ACYP2: variants seen among roughly 807,000 people sequenced by gnomAD.
ACYP2 encodes acylphosphatase-2.
In ACYP2, 12 loss-of-function variants were observed where a neutral mutation model predicts 11.2. That is an observed-to-expected ratio of 1.08 (90% CI 0.69 to 1.74). The LOEUF (loss-of-function observed/expected upper bound fraction) is 1.74, where lower values mean the gene tolerates loss of function less well. Among genes scored for constraint, ACYP2 ranks in the 40% most tolerant of loss-of-function variants. ACYP2 has a pLI of 0.00. For synonymous variants in ACYP2, 43 were observed against 32.2 expected, an observed-to-expected ratio of 1.33 and a Z score of -1.13; for missense variants, 134 against 101.9, an observed-to-expected ratio of 1.31 and a Z score of -1.35.
intron 2 of ACYP2, among the ~76,000 whole-genome samples, chr2:54,007,026 G>A (rs1256701753): frequency 6.6e-6 from 1 of 150,606 alleles, no homozygotes; most frequent in Non-Finnish European, 1.5e-5. Flanking sequence ...TCGGTAGGCT[G>A]AGGCAGGAGA....
intron 6 of ACYP2, among the ~76,000 whole-genome samples, chr2:54,168,692 C>A (rs1683109174): frequency 6.6e-6 from 1 of 151,758 alleles, no homozygotes; most frequent in South Asian, 2.1e-4. Context: ...TTAAAGAAAC[C>A]CAATGAATTT....
At chr2:54,077,358 G>A (rs1276661220) in intron 4 of ACYP2, among the ~76,000 whole-genome samples, 1 of 151,862 alleles carries the variant, frequency 6.6e-6, no homozygotes, top group Non-Finnish European at 1.5e-5. Context: ...GGGCAAACTT[G>A]TTGTTGTTGT....
chr2:54,190,508 G>A (rs843672), intron 6 of ACYP2, among the ~76,000 whole-genome samples: 81,724 of 151,508 alleles, frequency 0.54, 22,441 homozygotes, highest in East Asian at 0.67. Flanking sequence ...ATCTGTCTTC[G>A]TATCTCACTT....
chr2:54,241,364 C>A (rs527265308), intron 6 of ACYP2, among the ~76,000 whole-genome samples: 2 of 152,000 alleles, frequency 1.3e-5, no homozygotes, highest in Non-Finnish European at 2.9e-5. Context: ...GATATTGAAC[C>A]GAAAAATGAA....
intron 6 of ACYP2, among the ~76,000 whole-genome samples, chr2:54,217,449 C>T (rs1685605202): frequency 6.6e-6 from 1 of 152,174 alleles, no homozygotes; most frequent in African/African-American, 2.4e-5. Context: ...TCACTGTGGC[C>T]TCTACCTCCT....
intron 4 of ACYP2, among the ~76,000 whole-genome samples, chr2:54,076,854 G>A (rs1268989288): frequency 6.6e-6 from 1 of 152,162 alleles, no homozygotes; most frequent in East Asian, 1.9e-4. Context: ...TGTCTATACT[G>A]AGTCCTGAAA....
At chr2:54,014,588 T>C (rs1673574918) in intron 2 of ACYP2, among the ~76,000 whole-genome samples, 1 of 152,176 alleles carries the variant, frequency 6.6e-6, no homozygotes, top group Admixed American at 6.5e-5. Context: ...CCCAAAGTGC[T>C]GGGATTACAG....
intron 6 of ACYP2, among the ~76,000 whole-genome samples, chr2:54,215,113 T>C (rs1049339350): frequency 6.6e-6 from 1 of 152,208 alleles, no homozygotes; most frequent in Non-Finnish European, 1.5e-5. Context: ...ATCCTGAAAC[T>C]TCGAAGTTGT....
At chr2:54,303,430 T>C (rs1689803195) in intron 6 of ACYP2, among the ~76,000 whole-genome samples, 1 of 152,194 alleles carries the variant, frequency 6.6e-6, no homozygotes, top group South Asian at 2.1e-4. Flanking sequence ...GTCAGTTTTC[T>C]AGGAGGTTTC....
At chr2:54,250,273 TCGA>T (rs1188256450) in intron 6 of ACYP2, among the ~76,000 whole-genome samples, 1 of 152,054 alleles carries the variant, frequency 6.6e-6, no homozygotes, top group African/African-American at 2.4e-5. Context: ...GGTCAGGAGT[TCGA>T]GACCAGCGTG....
At chr2:54,108,880 C>T (rs1679311184) in intron 4 of ACYP2, among the ~76,000 whole-genome samples, 1 of 152,184 alleles carries the variant, frequency 6.6e-6, no homozygotes. Flanking sequence ...TTTTCCTTTA[C>T]TTTTCCTTAC....
At chr2:54,053,872 C>T (rs1035987317) in intron 3 of ACYP2, among the ~76,000 whole-genome samples, 2 of 152,092 alleles carry the variant, frequency 1.3e-5, no homozygotes, top group African/African-American at 4.8e-5. Context: ...TTGATTAGAC[C>T]CTAACTAATT....
At chr2:54,030,350 T>C (rs1275110617) in intron 2 of ACYP2, among the ~76,000 whole-genome samples, 1 of 152,202 alleles carries the variant, frequency 6.6e-6, no homozygotes, top group Non-Finnish European at 1.5e-5. Flanking sequence ...ACTGTCTCTA[T>C]TATTTTGGTT....
chr2:54,091,013 T>C (rs1678195600), intron 4 of ACYP2, among the ~76,000 whole-genome samples: 1 of 152,224 alleles, frequency 6.6e-6, no homozygotes, highest in African/African-American at 2.4e-5. Flanking sequence ...TAATTGTTGA[T>C]TGATTTAAAA....
At position 54,201,682 on chromosome 2, in the gene ACYP2, C is replaced by CTTTCTTTCTTTCTTTCTTTCTG. The variant is rs60217019; in HGVS notation, c.404+62935_404+62936insTTCTTTCTTTCTTTCTTTCTGT. On this transcript the variant is annotated intron_variant, in intron 6 of 6. Transcript: ENST00000607452. ...TCTTTCTTTCTTTCTTTCTTTCTTT[C>CTTTCTTTCTTTCTTTCTTTCTG]TCTCTCTCTCTCTCTCTTTTTTCTT... Among the ~76,000 whole-genome samples, 49 of 110,826 alleles carry CTTTCTTTCTTTCTTTCTTTCTG rather than the reference C, an allele frequency of 4.4e-4. 1 individual carries two copies. The highest frequency in any genetic ancestry group is 6.7e-4 in the South Asian group (2 of 2,970). 72.7% of individuals were successfully genotyped at this position (110,826 alleles called of 152,430 possible).
At chr2:53,985,324 C>G (rs980927992) in intron 2 of ACYP2, among the ~76,000 whole-genome samples, 3 of 152,098 alleles carry the variant, frequency 2.0e-5, no homozygotes, top group Admixed American at 6.6e-5. Flanking sequence ...GCCTCAGCCT[C>G]CCAAAGTGCT....
At chr2:54,197,529 A>G (rs1684542967) in intron 6 of ACYP2, among the ~76,000 whole-genome samples, 1 of 152,200 alleles carries the variant, frequency 6.6e-6, no homozygotes, top group Admixed American at 6.5e-5. Context: ...GCATGCTCTG[A>G]GAAGACAGAA....
chr2:54,088,642 G>A lies in ACYP2; in HGVS notation c.277+31282G>A, dbSNP rs112299518. Among the ~76,000 whole-genome samples the A allele has an allele frequency of 2.9e-3, 435 of 152,280 alleles. 5 individuals are homozygous for A. The highest frequency in any genetic ancestry group is 9.8e-3 in the African/African-American group (409 of 41,536). ...GCCAAGCTGCACAGGAAGAAGAATC[G>A]CCTCTAAATCAACTTCCGAATTCTG... On this transcript the variant is annotated intron_variant, in intron 4 of 6. Transcript: ENST00000607452.
At chr2:54,255,160 C>T (rs773922991) in intron 6 of ACYP2, 11 of 1,614,082 alleles carry the variant, frequency 6.8e-6, no homozygotes, top group African/African-American at 4.0e-5. Flanking sequence ...ATGGCCCCGG[C>T]GCCACATGAT....
Sources: gnomAD v4.1 joint callset for allele counts (sites outside exome capture counted in the v4.1 genomes callset) on GRCh38, gnomAD v4.1.1 for gene constraint, MANE v1.5 for transcripts, NCBI Gene and HGNC (gene_info 2026-07-23, HGNC 2026-07-21) for gene names.